CNTN6: variants seen among roughly 807,000 people sequenced by gnomAD.
The protein encoded by CNTN6 is contactin-6.
CNTN6 carries 137 observed loss-of-function variants against 122.8 expected under a neutral mutation model. The observed-to-expected ratio is 1.12, with a 90% CI of 0.97 to 1.29. The LOEUF (loss-of-function observed/expected upper bound fraction) is 1.29, where lower values mean the gene tolerates loss of function less well. Among genes scored for constraint, CNTN6 ranks in the 50% most tolerant of loss-of-function variants. CNTN6 has a pLI of 0.00. For synonymous variants in CNTN6, 570 were observed against 426.0 expected (o/e 1.34, Z -4.16); for missense variants, 1,634 against 1,223.4 (o/e 1.34, Z -5.01).
chr3:1,274,060 C>T (rs963910207), intron 4 of CNTN6, among the ~76,000 whole-genome samples: 3 of 152,062 alleles, frequency 2.0e-5, no homozygotes, highest in Admixed American at 6.6e-5. Flanking sequence ...AATATAGTCA[C>T]AATTTAATGG....
At chr3:1,361,655 CATT>C (rs747645287) in intron 12 of CNTN6, among the ~76,000 whole-genome samples, 30 of 152,146 alleles carry the variant, frequency 2.0e-4, no homozygotes, top group Non-Finnish European at 3.7e-4. Context: ...TATTATGAAA[CATT>C]AATAATAAAG....
Position 1,106,398 on chromosome 3 carries a change from A to G in CNTN6, c.-83+13278A>G, listed in dbSNP as rs532479510. Among the ~76,000 whole-genome samples, 6 of 152,252 alleles carry G rather than the reference A, an allele frequency of 3.9e-5. No homozygotes were observed. The East Asian group carries it at 1.2e-3, about 29-fold the overall frequency. ...TGATGTTATTTGACTTTGGCAGAAC[A>G]TAATGAAATAAGGTGTTTGACTTTG... On this transcript the variant is annotated intron_variant, in intron 1 of 22. Transcript: ENST00000446702.
chr3:1,268,909 G>T (rs1004546020), intron 4 of CNTN6, among the ~76,000 whole-genome samples: 1 of 151,736 alleles, frequency 6.6e-6, no homozygotes, highest in Non-Finnish European at 1.5e-5. Context: ...TGAGCCCAGA[G>T]ATTTGAGGTT....
chr3:1,330,123 C>T (rs1702090209), intron 11 of CNTN6, among the ~76,000 whole-genome samples, 188 bp downstream of exon 11: 1 of 151,836 alleles, frequency 6.6e-6, no homozygotes. Flanking sequence ...AAAATAAAGA[C>T]CTGTTTGTAT....
chr3:1,106,513 G>C (rs2091229336), intron 1 of CNTN6, among the ~76,000 whole-genome samples: 1 of 138,090 alleles, frequency 7.2e-6, no homozygotes, highest in African/African-American at 3.3e-5. Flanking sequence ...TGAGACCCCT[G>C]TCTGTAATAC....
At chr3:1,399,093 C>A (rs7622631) in intron 20 of CNTN6, among the ~76,000 whole-genome samples, 98,470 of 151,944 alleles carry the variant, frequency 0.65, 32,504 homozygotes, top group East Asian at 0.82. Context: ...AACAAAACAT[C>A]CGGAAATACA....
intron 4 of CNTN6, among the ~76,000 whole-genome samples, chr3:1,238,540 G>C (rs1239940996): frequency 6.6e-6 from 1 of 152,136 alleles, no homozygotes; most frequent in African/African-American, 2.4e-5. Flanking sequence ...CATCAAGACA[G>C]AAAGTCAACA....
At chr3:1,389,769 G>A (rs1289536963) in intron 20 of CNTN6, among the ~76,000 whole-genome samples, 2 of 150,066 alleles carry the variant, frequency 1.3e-5, no homozygotes, top group African/African-American at 4.9e-5. Flanking sequence ...CCTAGTCTCT[G>A]ATAAAACAGA....
chr3:1,105,710 A>G (rs940097381), intron 1 of CNTN6, among the ~76,000 whole-genome samples: 4 of 152,192 alleles, frequency 2.6e-5, no homozygotes, highest in African/African-American at 9.6e-5. Flanking sequence ...GTCATAAGCA[A>G]GTCTACAACT....
At chr3:1,171,819 C>T (rs958657979) in intron 2 of CNTN6, among the ~76,000 whole-genome samples, 3 of 152,108 alleles carry the variant, frequency 2.0e-5, no homozygotes, top group Non-Finnish European at 4.4e-5. Flanking sequence ...GTTGCCTAGG[C>T]TGGTCTTGAA....
At chr3:1,252,478 T>C (rs933842264) in intron 4 of CNTN6, among the ~76,000 whole-genome samples, 1 of 152,186 alleles carries the variant, frequency 6.6e-6, no homozygotes, top group Non-Finnish European at 1.5e-5. Flanking sequence ...TTTTTTCTTA[T>C]ACAAATCATA....
At chr3:1,389,190 G>A (rs1431882768) in intron 20 of CNTN6, among the ~76,000 whole-genome samples, 1 of 150,960 alleles carries the variant, frequency 6.6e-6, no homozygotes, top group Non-Finnish European at 1.5e-5. Flanking sequence ...TCAAAGGGAA[G>A]CCCATCAGAC....
chr3:1,366,787 G>T (rs898191959), intron 12 of CNTN6, among the ~76,000 whole-genome samples: 1 of 152,060 alleles, frequency 6.6e-6, no homozygotes, highest in Non-Finnish European at 1.5e-5. Context: ...GTGGTGGGTG[G>T]AGAGGATACA....
chr3:1,358,064 T>C (rs566689821), intron 12 of CNTN6, among the ~76,000 whole-genome samples: 1 of 151,990 alleles, frequency 6.6e-6, no homozygotes, highest in African/African-American at 2.4e-5. Flanking sequence ...GTAATAATTT[T>C]CTCACCATAG....
Position 1,403,378 on chromosome 3 carries a change from T to C in CNTN6, c.3047T>C (p.Ile1016Thr), listed in dbSNP as rs775774496. Residue 1016 changes from isoleucine (I) to threonine (T), a missense_variant, in exon 23 of 23, where the codon ATT becomes ACT. By Grantham distance (89) the Ile-to-Thr change is moderately conservative. Coordinates refer to ENST00000446702, the MANE Select transcript of CNTN6 (RefSeq NM_001289080.2). ...EPSTHFLSIVIVIFHCFAIQP... is the reference protein window; with the variant it reads ...EPSTHFLSIVTVIFHCFAIQP... ...AGCACCCATTTTCTTTCCATTGTCA[T>C]TGTGATTTTTCACTGTTTTGCTATT... 2.5e-6 allele frequency: 4 copies of C among 1,611,556 alleles called. No homozygotes were observed. Among genetic ancestry groups the C allele is most frequent in the Admixed American group, 3.3e-5 (2 of 59,836 alleles).
At chr3:1,108,312 G>A (rs2091321575) in intron 1 of CNTN6, among the ~76,000 whole-genome samples, 1 of 151,900 alleles carries the variant, frequency 6.6e-6, no homozygotes, top group African/African-American at 2.4e-5. Flanking sequence ...GAGATATCTT[G>A]GGGATTGGGA....
intron 5 of CNTN6, among the ~76,000 whole-genome samples, chr3:1,294,304 G>A (rs528138304): frequency 6.6e-6 from 1 of 152,146 alleles, no homozygotes; most frequent in East Asian, 1.9e-4. Flanking sequence ...GAAAACAATA[G>A]GTGAACCTTA....
chr3:1,385,420 T>G (rs567700737), intron 19 of CNTN6, among the ~76,000 whole-genome samples, 191 bp from the exon 20 acceptor site: 37 of 152,324 alleles, frequency 2.4e-4, no homozygotes, highest in African/African-American at 7.9e-4. Context: ...ATTCATGACT[T>G]TTTTCCTCAT....
chr3:1,274,955 C>G (rs1692050212), intron 4 of CNTN6, among the ~76,000 whole-genome samples: 1 of 152,002 alleles, frequency 6.6e-6, no homozygotes, highest in Admixed American at 6.6e-5. Flanking sequence ...AATGACCACC[C>G]AACGCCCCCA....
Sources: gnomAD v4.1 joint callset for allele counts (sites outside exome capture counted in the v4.1 genomes callset) on GRCh38, gnomAD v4.1.1 for gene constraint, MANE v1.5 for transcripts, NCBI Gene and HGNC (gene_info 2026-07-23, HGNC 2026-07-21) for gene names.